Variants in COP1 observed in about 807,000 individuals in gnomAD.
The protein encoded by COP1 is E3 ubiquitin-protein ligase COP1.
In COP1, 24 loss-of-function variants were observed where a neutral mutation model predicts 101.3. The observed-to-expected ratio is 0.24, with a 90% CI of 0.17 to 0.33. COP1 has a LOEUF of 0.33. COP1 is among the 10% of genes least tolerant of loss of function. The probability of loss-of-function intolerance (pLI) is 1.00; values close to 1 mark genes in which losing one functional copy is unlikely to be tolerated. For missense variants in COP1, 663 were observed against 906.2 expected, an observed-to-expected ratio of 0.73 and a Z score of 3.45; for synonymous variants, 347 against 341.9, an observed-to-expected ratio of 1.01 and a Z score of -0.17.
At chr1:176,168,160 C>G (rs776117706) in intron 3 of COP1, among the ~76,000 whole-genome samples, 8 of 151,658 alleles carry the variant, frequency 5.3e-5, no homozygotes, top group Admixed American at 1.3e-4. Flanking sequence ...TGGGTTCAAG[C>G]AATTCTCCTG....
intron 14 of COP1, among the ~76,000 whole-genome samples, chr1:176,034,912 A>G (rs1669218642): frequency 6.6e-6 from 1 of 152,222 alleles, no homozygotes; most frequent in African/African-American, 2.4e-5. Flanking sequence ...CTTACAGTCT[A>G]AATCTAAGCC....
chr1:176,092,233 C>G (rs1681464563), intron 9 of COP1, among the ~76,000 whole-genome samples: 1 of 151,890 alleles, frequency 6.6e-6, no homozygotes. Flanking sequence ...AACACTGTAC[C>G]TAATTTAAAA....
intron 11 of COP1, among the ~76,000 whole-genome samples, chr1:176,069,082 G>A (rs1377710692): frequency 1.3e-5 from 2 of 152,084 alleles, no homozygotes; most frequent in Non-Finnish European, 2.9e-5. Flanking sequence ...TAGCCACAGG[G>A]GCTGAGGTGG....
At position 176,206,714 on chromosome 1, in the gene COP1, G is replaced by A; in HGVS notation, c.265C>T (p.His89Tyr). Residue 89 changes from histidine (H) to tyrosine (Y), a missense_variant, in exon 1 of 20, where the codon CAC becomes TAC. Physicochemically the swap from His to Tyr is moderately conservative, Grantham distance 83. This residue lies in a region of COP1 where 204 missense variants were observed against 203.6 expected (regional missense o/e 1.00). Transcript: ENST00000367669. ...GCGCTGGGCCTGGCCGCGCAGCTGT[G>A]CCGGGACAGGCCCGTGGACACCGCC... The part of the protein sequence containing the change: ...GGAVSTGLSR[H>Y]SCAARPSAGV... The A allele has an allele frequency of 6.3e-7, 1 of 1,592,824 alleles. No individual in the cohort carries two copies. Among genetic ancestry groups the A allele is most frequent in the Non-Finnish European group, 8.5e-7 (1 of 1,175,368 alleles).
chr1:176,047,358 G>A (rs1156795265), intron 11 of COP1, among the ~76,000 whole-genome samples: 1 of 152,120 alleles, frequency 6.6e-6, no homozygotes, highest in East Asian at 1.9e-4. Context: ...ACATTTTACA[G>A]ATGAGAAAAT....
At chr1:176,085,651 G>C (rs1188254977) in intron 10 of COP1, 125 bp downstream of exon 10, 1 of 488,374 alleles carries the variant, frequency 2.0e-6, no homozygotes, top group Non-Finnish European at 3.8e-6. Context: ...TGATGATCTG[G>C]TAGACTATGT....
At chr1:176,145,260 A>C (rs540872050) in intron 6 of COP1, among the ~76,000 whole-genome samples, 14 of 152,322 alleles carry the variant, frequency 9.2e-5, no homozygotes, top group East Asian at 1.9e-4. Context: ...GCTCAACCTC[A>C]TAAGTCATCT....
At chr1:176,068,430 C>G (rs1485363585) in intron 11 of COP1, among the ~76,000 whole-genome samples, 1 of 152,150 alleles carries the variant, frequency 6.6e-6, no homozygotes, top group African/African-American at 2.4e-5. Context: ...ATCTGTGTTT[C>G]AACAAGATCT....
chr1:175,990,403 A>C (rs1250079647), intron 15 of COP1, among the ~76,000 whole-genome samples: 2 of 152,118 alleles, frequency 1.3e-5, no homozygotes, highest in African/African-American at 2.4e-5. Context: ...TTAGTCTTAA[A>C]TATGGTGTCC....
chr1:176,035,342 T>C (rs551824523), intron 14 of COP1, among the ~76,000 whole-genome samples: 2 of 150,754 alleles, frequency 1.3e-5, no homozygotes, highest in African/African-American at 4.9e-5. Flanking sequence ...CAGAACAATA[T>C]AAATTACCCA....
At chr1:176,122,226 C>T (rs1687259408) in intron 8 of COP1, among the ~76,000 whole-genome samples, 3 of 151,840 alleles carry the variant, frequency 2.0e-5, no homozygotes, top group Admixed American at 1.3e-4. Flanking sequence ...GTTTTGCAAC[C>T]TATTTAAAGG....
intron 18 of COP1, among the ~76,000 whole-genome samples, chr1:175,959,934 C>T (rs1571255806): frequency 1.3e-5 from 2 of 151,692 alleles, no homozygotes; most frequent in Admixed American, 1.3e-4. Flanking sequence ...TATATCCTCC[C>T]TTTATCTTGT....
intron 2 of COP1, among the ~76,000 whole-genome samples, chr1:176,183,369 G>A (rs74127200): frequency 9.2e-5 from 14 of 152,240 alleles, no homozygotes; most frequent in Admixed American, 8.5e-4. Context: ...AACAGAATAG[G>A]TTTAAAAATA....
intron 15 of COP1, among the ~76,000 whole-genome samples, chr1:175,991,899 G>A (rs931542082): frequency 7.9e-5 from 12 of 151,946 alleles, no homozygotes; most frequent in African/African-American, 2.9e-4. Flanking sequence ...ACCTTTTTCT[G>A]GAATGTCTCC....
chr1:176,189,901 G>A (rs1698931765), intron 1 of COP1, among the ~76,000 whole-genome samples: 1 of 151,654 alleles, frequency 6.6e-6, no homozygotes, highest in Admixed American at 6.6e-5. Context: ...GAAAACTTTA[G>A]CAAACTTGTT....
rs147347180 is a variant in COP1 at position 175,969,599 on chromosome 1, A to G, written c.2133+17344T>C. 3.0e-3 allele frequency among the ~76,000 whole-genome samples: 454 copies of G among 152,196 alleles called. 2 individuals are homozygous for G. The highest frequency in any genetic ancestry group is 0.01 in the African/African-American group (427 of 41,526). ...ATGAGACTATTCATTTCTTCATCAA[A>G]CCTAAGCATAAACATATACAAGTTT... On this transcript the variant is annotated intron_variant, in intron 18 of 19. Coordinates refer to ENST00000367669, the MANE Select transcript of COP1 (RefSeq NM_022457.7).
chr1:176,183,677 T>C (rs548112090), intron 2 of COP1, among the ~76,000 whole-genome samples: 287 of 152,308 alleles, frequency 1.9e-3, no homozygotes, highest in Non-Finnish European at 3.6e-3. Flanking sequence ...GCATTATTCA[T>C]AGCAGCCAAA....
In COP1 at chr1:176,170,291, T is replaced by C. The variant is rs945855593; in HGVS notation, c.565+5619A>G. Among the ~76,000 whole-genome samples, 9 of 152,210 alleles carry C rather than the reference T, an allele frequency of 5.9e-5. No homozygotes were observed. The South Asian group carries it at 1.7e-3, about 28-fold the overall frequency. On this transcript the variant is annotated intron_variant, in intron 3 of 19. Transcript: ENST00000367669. ...ATGGCATCTAGAATGGTGAATCCTT[T>C]CCAAAAGGTTTTCCATTTACTTTGC...
intron 17 of COP1, among the ~76,000 whole-genome samples, chr1:175,987,360 T>A (rs906994545): frequency 5.3e-5 from 8 of 152,212 alleles, no homozygotes; most frequent in Admixed American, 3.9e-4. Context: ...AAAATTACCC[T>A]ATAAAATCAT....
Sources: gnomAD v4.1 joint callset for allele counts (sites outside exome capture counted in the v4.1 genomes callset) on GRCh38, gnomAD v4.1.1 for gene constraint, gnomAD v4.1.1 regional missense constraint, MANE v1.5 for transcripts, NCBI Gene and HGNC (gene_info 2026-07-23, HGNC 2026-07-21) for gene names.